Variants in RBM33 observed in about 807,000 individuals in gnomAD.
RBM33 encodes the protein RNA binding motif protein 33, also known as RNA-binding protein 33.
Under a neutral mutation model 132.6 loss-of-function variants are expected in RBM33, and 28 were observed. The observed-to-expected ratio is 0.21, with a 90% CI of 0.16 to 0.29. The LOEUF is 0.29. Among genes scored for constraint, RBM33 ranks in the 10% least tolerant of loss-of-function variants. RBM33 has a pLI of 1.00. For missense variants in RBM33, 1,291 were observed against 1,518.5 expected (o/e 0.85, Z 2.49); for synonymous variants, 634 against 593.0 (o/e 1.07, Z -1.01).
Position 155,738,370 on chromosome 7 carries a change from G to T in RBM33, c.1704G>T (p.Pro568=), listed in dbSNP as rs751161103. Residue 568 remains proline, a synonymous_variant, in exon 11 of 18, where the codon CCG becomes CCT. Coordinates refer to ENST00000401878, the MANE Select transcript of RBM33 (RefSeq NM_053043.3). ...CGTTCCTGCCAGGCCCAGGACAGCC[G>T]TTTCTGCCCACACACACACAGCCCA... is the stretch of plus-strand genomic sequence containing the variant. ...RQPFLPGPGQ[P]FLPTHTQPNL... 1 of 1,613,776 alleles carries T rather than the reference G, an allele frequency of 6.2e-7. No individual in the cohort carries two copies. Among genetic ancestry groups the T allele is most frequent in the African/African-American group, 1.3e-5 (1 of 75,002 alleles).
chr7:155,710,940 G>A (rs1800267252), intron 7 of RBM33, among the ~76,000 whole-genome samples: 1 of 150,774 alleles, frequency 6.6e-6, no homozygotes, highest in African/African-American at 2.4e-5. Context: ...TTCACACTGG[G>A]TGCTTTGGGG....
chr7:155,735,590 C>T (rs1047617741), intron 9 of RBM33, among the ~76,000 whole-genome samples: 4 of 152,030 alleles, frequency 2.6e-5, no homozygotes, highest in African/African-American at 9.7e-5. Context: ...CCTAGCTACT[C>T]AGGAGGCTGA....
intron 4 of RBM33, 122 bp from the exon 5 acceptor site, chr7:155,680,468 G>C (rs1271158839): frequency 1.4e-6 from 1 of 735,236 alleles, no homozygotes. Context: ...GCATTTGTCA[G>C]TAACTGGAAT....
intron 9 of RBM33, among the ~76,000 whole-genome samples, chr7:155,730,997 C>CT (rs1383395227): frequency 7.7e-6 from 1 of 130,064 alleles, no homozygotes; most frequent in Admixed American, 7.2e-5. Flanking sequence ...GGACTAAAGT[C>CT]TTTGAGTTTC....
At position 155,738,059 on chromosome 7, in the gene RBM33, G is replaced by C. The variant is rs754571295; in HGVS notation, c.1394-1G>C. Reference sequence around the variant, plus strand: ...GTTAATGATGTTGTGTTACCTTTCAGTTTCAGGTGAACCAAGATTCCCGAG... The same window carrying C: ...GTTAATGATGTTGTGTTACCTTTCACTTTCAGGTGAACCAAGATTCCCGAG... On this transcript the variant is annotated splice_acceptor_variant, in intron 10 of 17. Transcript: ENST00000401878. LOFTEE classifies it high-confidence loss of function. 1.2e-6 allele frequency: 2 copies of C among 1,611,626 alleles called. No individual in the cohort carries two copies. Among genetic ancestry groups the C allele is most frequent in the Non-Finnish European group, 1.7e-6 (2 of 1,178,408 alleles).
At chr7:155,742,241 T>TTTAACC in intron 13 of RBM33, 135 bp downstream of exon 13, 1 of 769,868 alleles carries the variant, frequency 1.3e-6, no homozygotes, top group Non-Finnish European at 2.0e-6. Context: ...TTTTTTTTTT[T>TTTAACC]TAACCTAACA....
intron 6 of RBM33, among the ~76,000 whole-genome samples, chr7:155,703,797 G>C (rs1011004443): frequency 6.6e-6 from 1 of 152,196 alleles, no homozygotes; most frequent in East Asian, 1.9e-4. Flanking sequence ...CAGTTTATTT[G>C]TGTGCTCCTA....
intron 5 of RBM33, among the ~76,000 whole-genome samples, chr7:155,686,705 C>G (rs920781856): frequency 6.6e-6 from 1 of 152,082 alleles, no homozygotes; most frequent in African/African-American, 2.4e-5. Flanking sequence ...GTTCAGTTCC[C>G]ACCTATGAGT....
chr7:155,684,295 A>G (rs117969680), intron 5 of RBM33, among the ~76,000 whole-genome samples: 7,021 of 152,202 alleles, frequency 0.046, 274 homozygotes, highest in Non-Finnish European at 0.063. Context: ...GCTGAGTAGG[A>G]TCAGACGTTG....
chr7:155,736,328 T>A (rs926755239), intron 9 of RBM33, among the ~76,000 whole-genome samples: 3 of 152,234 alleles, frequency 2.0e-5, no homozygotes, highest in African/African-American at 7.2e-5. Flanking sequence ...ACTTAAAAGT[T>A]GTGAAATATT....
chr7:155,673,313 C>T (rs116299427), intron 3 of RBM33, among the ~76,000 whole-genome samples: 2,460 of 151,806 alleles, frequency 0.016, 58 homozygotes, highest in African/African-American at 0.055. Context: ...ATATAATAAA[C>T]ATTAAAATAA....
intron 1 of RBM33, among the ~76,000 whole-genome samples, chr7:155,660,805 A>G (rs1013171795): frequency 1.3e-5 from 2 of 151,970 alleles, no homozygotes; most frequent in African/African-American, 4.8e-5. Context: ...GTTGTCAGCC[A>G]TTATTTCTTT....
intron 2 of RBM33, 48 bp downstream of exon 2, chr7:155,665,301 A>T: frequency 1.3e-6 from 2 of 1,535,246 alleles, no homozygotes; most frequent in East Asian, 2.3e-5. Flanking sequence ...GATCTCTCTC[A>T]TTCTGACACT....
chr7:155,769,505 T>C (rs1225414410), intron 16 of RBM33, among the ~76,000 whole-genome samples: 2 of 152,170 alleles, frequency 1.3e-5, no homozygotes, highest in East Asian at 1.9e-4. Flanking sequence ...GCTGCTGATT[T>C]GGGGGTAGGC....
rs1363495016 is a variant in RBM33, at chr7:155,718,423, G to GTGGGACCCC, written c.1241_1249dup (p.Pro416_Gln417insLeuGlyPro). On this transcript the variant is annotated inframe_insertion, in exon 9 of 18. Coordinates refer to ENST00000401878, the MANE Select transcript of RBM33 (RefSeq NM_053043.3). The stretch of plus-strand genomic sequence containing the variant: ...AGTTCCGAGCCAGCCGAGACCTGCC[G>GTGGGACCCC]TGGGACCCCAGAGATTCCCAGTGAG... The GTGGGACCCC allele has an allele frequency of 1.9e-5, 31 of 1,613,660 alleles. No homozygotes were observed. The highest frequency in any genetic ancestry group is 2.6e-5 in the Non-Finnish European group (31 of 1,179,832).
At position 155,766,493 on chromosome 7, in the gene RBM33, A is replaced by G. The variant is rs759176099; in HGVS notation, c.3213A>G (p.Gly1071=). ...CCATCATGCACGGACGAGGCAGAGG[A>G]GTGGCCGGTCCCATGGGCCGGGGGC... is the stretch of plus-strand genomic sequence containing the variant. ...KKAIMHGRGR[G]VAGPMGRGRL... The change falls in exon 16 of 18, where the codon GGA becomes GGG. Residue 1071 remains glycine, a synonymous_variant. Transcript: ENST00000401878. 1 of 1,613,542 alleles carries G rather than the reference A, an allele frequency of 6.2e-7. No homozygotes were observed. The highest frequency in any genetic ancestry group is 8.5e-7 in the Non-Finnish European group (1 of 1,179,796).
chr7:155,716,255 A>G (rs1236078855), intron 8 of RBM33, among the ~76,000 whole-genome samples: 1 of 147,260 alleles, frequency 6.8e-6, no homozygotes, highest in Non-Finnish European at 1.5e-5. Context: ...CACTGTTCCC[A>G]TGGGGACTGG....
intron 5 of RBM33, among the ~76,000 whole-genome samples, chr7:155,681,357 AC>A (rs1301739756): frequency 6.6e-6 from 1 of 152,218 alleles, no homozygotes; most frequent in Non-Finnish European, 1.5e-5. Flanking sequence ...GTAGATGAGA[AC>A]TGTCTAAACC....
chr7:155,769,338 G>C (rs1172025209), intron 16 of RBM33, among the ~76,000 whole-genome samples: 1 of 152,214 alleles, frequency 6.6e-6, no homozygotes, highest in Non-Finnish European at 1.5e-5. Context: ...CATTAAAGCA[G>C]CGGGAAGAAG....
Sources: allele counts gnomAD v4.1 joint callset (sites outside exome capture counted in the v4.1 genomes callset), GRCh38; gene constraint gnomAD v4.1.1; transcripts MANE v1.5; gene names NCBI Gene and HGNC (gene_info 2026-07-23, HGNC 2026-07-21).